The following EPB41L4B variants were observed in gnomAD, a reference collection of about 807,000 sequenced individuals.
EPB41L4B encodes the protein band 4.1-like protein 4B.
In EPB41L4B, 30 loss-of-function variants were observed where a neutral mutation model predicts 112.5. The observed-to-expected ratio is 0.27, with a 90% CI of 0.20 to 0.36. EPB41L4B has a LOEUF of 0.36. Among genes scored for constraint, EPB41L4B ranks in the 10% least tolerant of loss-of-function variants. The pLI, the probability that EPB41L4B is intolerant of heterozygous loss-of-function variation, is 1.00. For missense variants in EPB41L4B, 1,024 were observed against 1,133.3 expected (o/e 0.90, Z 1.38); for synonymous variants, 408 against 439.7 (o/e 0.93, Z 0.90).
chr9:109,282,269 C>A (rs553768979), intron 1 of EPB41L4B, among the ~76,000 whole-genome samples: 1 of 151,798 alleles, frequency 6.6e-6, no homozygotes. Flanking sequence ...AAGGGGAGTA[C>A]AGTTATTTGT....
intron 1 of EPB41L4B, 115 bp downstream of exon 1, chr9:109,320,026 G>A (rs1194975449): frequency 4.9e-5 from 40 of 821,388 alleles, no homozygotes; most frequent in Non-Finnish European, 6.6e-5. Flanking sequence ...AGAGGATGGG[G>A]GAGGGGATCC....
chr9:109,260,981 G>A (rs1159766594), intron 6 of EPB41L4B, among the ~76,000 whole-genome samples: 1 of 152,154 alleles, frequency 6.6e-6, no homozygotes, highest in South Asian at 2.1e-4. Context: ...CCTTTCCAGT[G>A]GATTAATGGC....
intron 23 of EPB41L4B, among the ~76,000 whole-genome samples, chr9:109,184,320 A>G (rs1437409264): frequency 6.6e-6 from 1 of 152,198 alleles, no homozygotes; most frequent in Non-Finnish European, 1.5e-5. Flanking sequence ...CCCAGGTTCA[A>G]ATGATTCTCT....
intron 2 of EPB41L4B, among the ~76,000 whole-genome samples, chr9:109,271,126 G>A (rs1043274330): frequency 6.6e-6 from 1 of 152,216 alleles, no homozygotes; most frequent in Non-Finnish European, 1.5e-5. Context: ...AAACACCTGT[G>A]GCTGGTGTGC....
chr9:109,203,804 A>C, intron 18 of EPB41L4B, 74 bp from the exon 19 acceptor site: 1 of 1,211,466 alleles, frequency 8.3e-7, no homozygotes, highest in Non-Finnish European at 1.2e-6. Flanking sequence ...AGTCTCTTAC[A>C]TTCAAAAGAT....
intron 1 of EPB41L4B, among the ~76,000 whole-genome samples, chr9:109,295,385 C>T (rs1836698052): frequency 1.3e-5 from 2 of 152,118 alleles, no homozygotes; most frequent in South Asian, 4.1e-4. Flanking sequence ...AACTAAAGCA[C>T]CATAATCCAC....
intron 15 of EPB41L4B, among the ~76,000 whole-genome samples, chr9:109,223,886 G>A (rs1264925458): frequency 6.6e-6 from 1 of 152,124 alleles, no homozygotes; most frequent in Non-Finnish European, 1.5e-5. Flanking sequence ...AGGTGTGGTG[G>A]TGGGCACCTG....
intron 4 of EPB41L4B, among the ~76,000 whole-genome samples, chr9:109,267,181 T>G (rs762391030): frequency 1.3e-5 from 2 of 152,176 alleles, no homozygotes; most frequent in Non-Finnish European, 2.9e-5. Flanking sequence ...TTTTTGTAGT[T>G]GAGATAAAAA....
intron 17 of EPB41L4B, among the ~76,000 whole-genome samples, chr9:109,208,913 A>G (rs1335709097): frequency 2.0e-5 from 3 of 152,210 alleles, no homozygotes; most frequent in Non-Finnish European, 4.4e-5. Flanking sequence ...TAGATGTCCA[A>G]TAAATACCTA....
chr9:109,249,058 CAAA>C lies in EPB41L4B; in HGVS notation c.1311-1272_1311-1270del, dbSNP rs11287142. Among the ~76,000 whole-genome samples, 61 of 121,288 alleles carry C rather than the reference CAAA, an allele frequency of 5.0e-4. 1 individual carries two copies. Among genetic ancestry groups the C allele is most frequent in the Admixed American group, 6.8e-4 (8 of 11,718 alleles). 79.6% of individuals were successfully genotyped at this position (121,288 alleles called of 152,430 possible). ...TGGGCGACAGAGCGAGACTCCATCT[CAAA>C]AAAAAAAAAAAATATATATATATAT... is the stretch of plus-strand genomic sequence containing the variant. On this transcript the variant is annotated intron_variant, in intron 13 of 25. Transcript: ENST00000374566.
Position 109,194,293 on chromosome 9 carries a change from G to C in EPB41L4B, c.2150C>G (p.Pro717Arg). ...TAATQVSVPL[P>R]SPKVQNVSSP... The stretch of plus-strand genomic sequence containing the variant: ...GCTGACATTCTGGACCTTGGGGGAC[G>C]GCAGCGGCACGGAGACTTGTGTGGC... Residue 717 changes from proline (P) to arginine (R), a missense_variant, in exon 21 of 26, where the codon CCG (proline) becomes CGG (arginine). Physicochemically the swap from Pro to Arg is moderately radical, Grantham distance 103. Coordinates refer to ENST00000374566, the MANE Select transcript of EPB41L4B (RefSeq NM_019114.5). The C allele has an allele frequency of 6.2e-7, 1 of 1,614,196 alleles. No individual in the cohort carries two copies.
chr9:109,278,762 T>C (rs1835929620), intron 2 of EPB41L4B, among the ~76,000 whole-genome samples: 1 of 152,218 alleles, frequency 6.6e-6, no homozygotes, highest in Non-Finnish European at 1.5e-5. Context: ...TTATCCGCAA[T>C]GCTCAGCACA....
intron 17 of EPB41L4B, among the ~76,000 whole-genome samples, chr9:109,212,317 AAAG>A (rs1833210387): frequency 6.6e-6 from 1 of 152,212 alleles, no homozygotes; most frequent in Admixed American, 6.5e-5. Flanking sequence ...CGACTAAGAA[AAAG>A]AAGACCAATC....
intron 13 of EPB41L4B, among the ~76,000 whole-genome samples, chr9:109,250,345 C>T (rs1834735085): frequency 6.6e-6 from 1 of 152,172 alleles, no homozygotes; most frequent in African/African-American, 2.4e-5. Context: ...ACCCGCTCCA[C>T]CCCGTGCCAC....
intron 1 of EPB41L4B, among the ~76,000 whole-genome samples, chr9:109,304,303 G>C (rs1165220482): frequency 6.6e-6 from 1 of 152,204 alleles, no homozygotes; most frequent in East Asian, 1.9e-4. Context: ...AACGCCAGCT[G>C]GCTTCCAATA....
Position 109,245,029 on chromosome 9 carries a change from G to A in EPB41L4B, c.1345-1347C>T, listed in dbSNP as rs374129922. Among the ~76,000 whole-genome samples the A allele has an allele frequency of 7.2e-5, 11 of 152,196 alleles. No homozygotes were observed. In the East Asian group the frequency reaches 1.3e-3, roughly 19 times the overall value. Reference sequence around the variant, plus strand: ...CGCCTGTCAGCAAGCAGACTCTGCAGCCCCCGGAAGGACATGCTGCAGGAA... The same window carrying A: ...CGCCTGTCAGCAAGCAGACTCTGCAACCCCCGGAAGGACATGCTGCAGGAA... On this transcript the variant is annotated intron_variant, in intron 14 of 25. Transcript: ENST00000374566.
chr9:109,234,546 A>T (rs868777780), intron 15 of EPB41L4B, among the ~76,000 whole-genome samples: 2 of 152,174 alleles, frequency 1.3e-5, no homozygotes, highest in African/African-American at 4.8e-5. Context: ...TTGAATTTTT[A>T]CTATTGTTTG....
chr9:109,228,089 ATAT>A (rs1463111083), intron 15 of EPB41L4B, among the ~76,000 whole-genome samples: 1 of 152,170 alleles, frequency 6.6e-6, no homozygotes, highest in African/African-American at 2.4e-5. Flanking sequence ...CTCCAGAATA[ATAT>A]TGAATATCAG....
At chr9:109,253,905 T>G (rs1223033540) in intron 11 of EPB41L4B, among the ~76,000 whole-genome samples, 1 of 152,242 alleles carries the variant, frequency 6.6e-6, no homozygotes, top group African/African-American at 2.4e-5. Context: ...TTAACCCATC[T>G]TTTAGAAGAC....
Sources: gnomAD v4.1 joint callset for allele counts (sites outside exome capture counted in the v4.1 genomes callset) on GRCh38, gnomAD v4.1.1 for gene constraint, MANE v1.5 for transcripts, NCBI Gene and HGNC (gene_info 2026-07-23, HGNC 2026-07-21) for gene names.